RAD51: variants seen among roughly 807,000 people sequenced by gnomAD.
RAD51 encodes RAD51 recombinase.
A neutral mutation model predicts 41.5 loss-of-function variants in RAD51; 14 were observed. The ratio of observed to expected loss-of-function variants is 0.34; its 90% confidence interval spans 0.22 to 0.53. The LOEUF (loss-of-function observed/expected upper bound fraction) is 0.53. Ranked by LOEUF, RAD51 falls within the 20% of genes least tolerant of loss-of-function variation. The pLI is 0.95. For synonymous variants in RAD51, 136 were observed against 148.6 expected, an observed-to-expected ratio of 0.92 and a Z score of 0.62; for missense variants, 234 against 422.0, an observed-to-expected ratio of 0.55 and a Z score of 3.90.
At chr15:40,717,883 T>C (rs1896064896) in intron 5 of RAD51, among the ~76,000 whole-genome samples, 1 of 152,214 alleles carries the variant, frequency 6.6e-6, no homozygotes, top group Non-Finnish European at 1.5e-5. Flanking sequence ...GTAAATGGTC[T>C]TCCAAGTTTC....
chr15:40,704,416 C>T (rs1373907835), intron 3 of RAD51, among the ~76,000 whole-genome samples: 5 of 148,212 alleles, frequency 3.4e-5, no homozygotes, highest in African/African-American at 1.3e-4. Context: ...GGCTGGAGTG[C>T]GGTGGTGTGA....
At chr15:40,696,263 A>G (rs1473721055) in intron 1 of RAD51, among the ~76,000 whole-genome samples, 1 of 152,158 alleles carries the variant, frequency 6.6e-6, no homozygotes, top group Admixed American at 6.5e-5. Flanking sequence ...ACAACTGTAT[A>G]CAACTCCGTG....
chr15:40,696,623 T>G (rs567028934), intron 1 of RAD51, among the ~76,000 whole-genome samples: 1 of 152,358 alleles, frequency 6.6e-6, no homozygotes, highest in South Asian at 2.1e-4. Flanking sequence ...CCTTCCTGTG[T>G]AGTATTTAAT....
chr15:40,696,033 C>T (rs1894605630), intron 1 of RAD51, among the ~76,000 whole-genome samples: 1 of 152,008 alleles, frequency 6.6e-6, no homozygotes, highest in Non-Finnish European at 1.5e-5. Context: ...CACCACCACG[C>T]CGCCAGGCTG....
intron 5 of RAD51, among the ~76,000 whole-genome samples, chr15:40,713,849 G>A (rs1895847069): frequency 6.6e-6 from 1 of 151,246 alleles, no homozygotes; most frequent in African/African-American, 2.4e-5. Flanking sequence ...CTTGTGATCC[G>A]CCCACCTTGG....
intron 6 of RAD51, among the ~76,000 whole-genome samples, chr15:40,726,377 A>G (rs1017324664): frequency 2.0e-5 from 3 of 150,830 alleles, no homozygotes; most frequent in African/African-American, 7.3e-5. Flanking sequence ...TCAGCCTCCC[A>G]AGTACCTGGG....
At chr15:40,725,858 C>T (rs555467105) in intron 6 of RAD51, among the ~76,000 whole-genome samples, 46 of 152,186 alleles carry the variant, frequency 3.0e-4, no homozygotes, top group Admixed American at 3.0e-3. Context: ...TGTTAGCGGG[C>T]ACCTGTAATC....
chr15:40,696,528 C>T (rs1476284922), intron 1 of RAD51, among the ~76,000 whole-genome samples: 1 of 152,126 alleles, frequency 6.6e-6, no homozygotes, highest in Non-Finnish European at 1.5e-5. Flanking sequence ...GTGATCAGGC[C>T]ACTGCACTCC....
intron 3 of RAD51, chr15:40,701,965 T>C (rs1289521863): frequency 3.4e-6 from 1 of 290,108 alleles, no homozygotes; most frequent in African/African-American, 2.3e-5. Flanking sequence ...TGTATTTTTA[T>C]TAGAGACAGG....
chr15:40,719,000 G>A (rs1398278035), intron 6 of RAD51, 101 bp downstream of exon 6: 4 of 1,064,220 alleles, frequency 3.8e-6, no homozygotes, highest in Admixed American at 1.9e-5. Flanking sequence ...ATAACCCCAC[G>A]TCCCAAAGTT....
chr15:40,696,093 G>T (rs1894608637), intron 1 of RAD51, among the ~76,000 whole-genome samples: 1 of 151,884 alleles, frequency 6.6e-6, no homozygotes, highest in South Asian at 2.1e-4. Context: ...GGTCAGGCTG[G>T]TCTCGAACTT....
chr15:40,710,382 A>G (rs1595994084), intron 5 of RAD51, among the ~76,000 whole-genome samples: 1 of 148,534 alleles, frequency 6.7e-6, no homozygotes, highest in African/African-American at 2.5e-5. Flanking sequence ...CGTGCCTGTA[A>G]TCCCAGTTAC....
intron 1 of RAD51, among the ~76,000 whole-genome samples, chr15:40,696,927 C>G (rs1894676672): frequency 6.6e-6 from 1 of 152,098 alleles, no homozygotes; most frequent in African/African-American, 2.4e-5. Flanking sequence ...AATCTCTTGC[C>G]TATTTTTCTA....
intron 3 of RAD51, among the ~76,000 whole-genome samples, 187 bp downstream of exon 3, chr15:40,701,388 T>C (rs1302620014): frequency 6.7e-6 from 1 of 149,650 alleles, no homozygotes; most frequent in Admixed American, 6.7e-5. Context: ...TTTTTTTTTT[T>C]TTTGGAGACG....
chr15:40,705,169 GAGCCCAT>G (rs1351084610), intron 3 of RAD51, among the ~76,000 whole-genome samples: 2 of 152,134 alleles, frequency 1.3e-5, no homozygotes, highest in Non-Finnish European at 2.9e-5. Context: ...GCTTTTCTTG[GAGCCCAT>G]ACGTTTTGGT....
intron 1 of RAD51, among the ~76,000 whole-genome samples, chr15:40,697,226 G>C (rs1308385081): frequency 6.6e-6 from 1 of 151,952 alleles, no homozygotes; most frequent in South Asian, 2.1e-4. Context: ...TCAGCCTCCC[G>C]AGTAGCTGGG....
chr15:40,720,832 G>T (rs1303517131), intron 6 of RAD51, among the ~76,000 whole-genome samples: 1 of 152,166 alleles, frequency 6.6e-6, no homozygotes, highest in Non-Finnish European at 1.5e-5. Flanking sequence ...AAAAATTGAA[G>T]ATTTACATAA....
intron 3 of RAD51, among the ~76,000 whole-genome samples, chr15:40,701,596 G>T (rs1894998989): frequency 6.6e-6 from 1 of 151,586 alleles, no homozygotes; most frequent in Non-Finnish European, 1.5e-5. Flanking sequence ...CTCCCAAAGT[G>T]CTGGATTATA....
intron 4 of RAD51, among the ~76,000 whole-genome samples, chr15:40,707,801 A>T: frequency 6.6e-6 from 1 of 151,502 alleles, no homozygotes. Flanking sequence ...CATTGCAACC[A>T]CTGACTCCCA....
Sources: allele counts gnomAD v4.1 joint callset (sites outside exome capture counted in the v4.1 genomes callset), GRCh38; gene constraint gnomAD v4.1.1; transcripts MANE v1.5; gene names NCBI Gene and HGNC (gene_info 2026-07-23, HGNC 2026-07-21).